WEE1: variants seen among roughly 807,000 people sequenced by gnomAD.
WEE1 encodes WEE1 G2 checkpoint kinase.
Under a neutral mutation model 68.8 loss-of-function variants are expected in WEE1, and 16 were observed. The ratio of observed to expected loss-of-function variants is 0.23; its 90% CI spans 0.16 to 0.35. The LOEUF is 0.35. Ranked by LOEUF, WEE1 falls within the 10% of genes least tolerant of loss-of-function variation. The probability of loss-of-function intolerance (pLI) is 1.00; values close to 1 mark genes in which losing one functional copy is unlikely to be tolerated. For synonymous variants in WEE1, 349 were observed against 318.7 expected (o/e 1.09, Z -1.01); for missense variants, 651 against 824.1 (o/e 0.79, Z 2.57).
chr11:9,576,430 A>G lies in WEE1; in HGVS notation c.847-57A>G. 6.3e-7 allele frequency: 1 copy of G among 1,582,426 alleles called. No individual in the cohort carries two copies. The highest frequency in any genetic ancestry group is 8.6e-7 in the Non-Finnish European group (1 of 1,163,998). On this transcript the variant is annotated intron_variant, in intron 3 of 10. Coordinates refer to ENST00000450114, the MANE Select transcript of WEE1 (RefSeq NM_003390.4). The surrounding 1 kb of genome is among the most constrained non-coding windows in gnomAD (Gnocchi z 4.3). The stretch of plus-strand genomic sequence containing the variant: ...CACACATAGCCCTATCACCATAGCA[A>G]GAAATAACTGTTTTCGTATATTTGT...
At chr11:9,585,070 A>C (rs1849684952) in intron 6 of WEE1, 188 bp from the exon 7 acceptor site, 4 of 576,948 alleles carry the variant, frequency 6.9e-6, no homozygotes, top group Non-Finnish European at 1.2e-5. Context: ...CTCAAAAAAA[A>C]ACAAAAAAAA....
At position 9,574,343 on chromosome 11, in the gene WEE1, C is replaced by G; in HGVS notation, c.410C>G (p.Ser137Cys). 7.9e-7 allele frequency: 1 copy of G among 1,263,658 alleles called. No homozygotes were observed. The highest frequency in any genetic ancestry group is 1.0e-6 in the Non-Finnish European group (1 of 1,004,264). 78.3% of individuals were successfully genotyped at this position (1,263,658 alleles called of 1,614,324 possible). A position where few individuals can be genotyped will look rare whatever the true frequency, so the allele number is the denominator to read the frequency against. ...SPAAPYFLGSSFSPVRCGGPG... is the reference protein window; with the variant it reads ...SPAAPYFLGSCFSPVRCGGPG... ...GCGGCCCCCTACTTCCTGGGTAGCTCTTTCTCGCCGGTGCGCTGCGGCGGC... is the reference window on the plus strand; with the variant it reads ...GCGGCCCCCTACTTCCTGGGTAGCTGTTTCTCGCCGGTGCGCTGCGGCGGC... The change falls in exon 1 of 11, where the codon TCT (serine) becomes TGT (cysteine). Residue 137 changes from serine to cysteine, a missense_variant. Ser to Cys is a moderately radical substitution (Grantham distance 112, BLOSUM62 -1). This residue lies in a region of WEE1 where 395 missense variants were observed against 378.4 expected (regional missense o/e 1.04). Transcript: ENST00000450114. The surrounding 1 kb of genome is among the most constrained non-coding windows in gnomAD (Gnocchi z 4.9).
At chr11:9,588,384 A>G in intron 10 of WEE1, 65 bp from the exon 11 acceptor site, 2 of 1,137,366 alleles carry the variant, frequency 1.8e-6, no homozygotes, top group Non-Finnish European at 2.4e-6. Flanking sequence ...TCGACAATAT[A>G]GTTTGTGTTA....
intron 6 of WEE1, 60 bp downstream of exon 6, chr11:9,581,738 A>T: frequency 6.7e-7 from 1 of 1,485,894 alleles, no homozygotes; most frequent in African/African-American, 1.4e-5. Context: ...AAATTACTTC[A>T]TTATGACAAC....
Position 9,574,381 on chromosome 11 carries a change from T to G in WEE1, c.448T>G (p.Ser150Ala). 1 of 1,218,906 alleles carries G rather than the reference T, an allele frequency of 8.2e-7. No homozygotes were observed. The highest frequency in any genetic ancestry group is 1.0e-6 in the Non-Finnish European group (1 of 982,742). The allele number at this position is 1,218,906 out of a possible 1,614,324, so 75.5% of individuals were successfully genotyped here. ...PVRCGGPGDA[S>A]PRGCGARRAG... ...GCGCTGCGGCGGCCCAGGAGATGCG[T>G]CGCCGCGGGGTTGCGGGGCGCGCCG... Residue 150 changes from serine to alanine, a missense_variant, in exon 1 of 11, where the codon TCG becomes GCG. By Grantham distance (99) the Ser-to-Ala change is moderately conservative. Coordinates refer to ENST00000450114, the MANE Select transcript of WEE1 (RefSeq NM_003390.4). This position sits in a 1 kb window ranked among gnomAD's most constrained non-coding sequence, Gnocchi z 4.9.
At chr11:9,581,323 G>A (rs1162999206) in intron 5 of WEE1, 1 of 501,468 alleles carries the variant, frequency 2.0e-6, no homozygotes. Context: ...TTGAGAGAGA[G>A]ACTTTACATT....
intron 5 of WEE1, chr11:9,581,285 G>A: frequency 2.5e-6 from 1 of 393,082 alleles, no homozygotes; most frequent in Non-Finnish European, 4.5e-6. Flanking sequence ...CTCTGAGAAA[G>A]AAACAGGTGG....
At chr11:9,582,019 A>G (rs1349261310) in intron 6 of WEE1, among the ~76,000 whole-genome samples, 1 of 152,228 alleles carries the variant, frequency 6.6e-6, no homozygotes, top group Non-Finnish European at 1.5e-5. Flanking sequence ...ATGTGCCACC[A>G]TGCCCAGATA....
chr11:9,586,879 C>G, intron 10 of WEE1, 23 bp downstream of exon 10: 1 of 1,580,738 alleles, frequency 6.3e-7, no homozygotes, highest in South Asian at 1.2e-5. Flanking sequence ...TTTATGTTTT[C>G]TTTTTGCTTT....
rs199979048 is a variant in WEE1 at position 9,576,113 on chromosome 11, G to C, written c.782+20G>C. ...GAATGAGTAAGTCGTTTATTTAACA[G>C]TTTGGTTCTCCAAATAACCTAAGAT... On this transcript the variant is annotated intron_variant, in intron 2 of 10. Transcript: ENST00000450114. This position sits in a 1 kb window ranked among gnomAD's most constrained non-coding sequence, Gnocchi z 4.3. The C allele has an allele frequency of 2.5e-6, 4 of 1,613,016 alleles. No homozygotes were observed. Among genetic ancestry groups the C allele is most frequent in the African/African-American group, 2.7e-5 (2 of 74,968 alleles).
rs1351275125 is a variant in WEE1, at chr11:9,589,884, A to G, written c.*1282A>G. On this transcript the variant is annotated 3_prime_UTR_variant, in exon 11 of 11. Transcript: ENST00000450114. The stretch of plus-strand genomic sequence containing the variant: ...GGGCACATTTTGATTGAATATGAAT[A>G]TCACATTGCATGTTATGCATGTGAC... 4.8e-6 allele frequency: 1 copy of G among 208,112 alleles called. No individual in the cohort carries two copies. Among genetic ancestry groups the G allele is most frequent in the Non-Finnish European group, 8.4e-6 (1 of 119,248 alleles). The allele number at this position is 208,112 out of a possible 1,614,324, so 12.9% of individuals were successfully genotyped here.
At position 9,581,279 on chromosome 11, in the gene WEE1, GAGAA is replaced by G. The variant is rs1410591442; in HGVS notation, c.1142-247_1142-244del. 1.0e-5 allele frequency: 4 copies of G among 384,000 alleles called. No homozygotes were observed. In the South Asian group the frequency reaches 1.5e-4, roughly 14 times the overall value. 23.8% of individuals were successfully genotyped at this position (384,000 alleles called of 1,614,324 possible). A position where few individuals can be genotyped will look rare whatever the true frequency, so the allele number is the denominator to read the frequency against. On this transcript the variant is annotated intron_variant, in intron 5 of 10. Coordinates refer to ENST00000450114, the MANE Select transcript of WEE1 (RefSeq NM_003390.4). The stretch of plus-strand genomic sequence containing the variant: ...CAACCTGATAATACTGGTTTACTCT[GAGAA>G]AGAAACAGGTGGATTGCTGAGGTGT...
chr11:9,577,474 A>G (rs1237692163), intron 5 of WEE1: 12 of 528,134 alleles, frequency 2.3e-5, no homozygotes, highest in Non-Finnish European at 3.3e-5. Context: ...TTCGCATACT[A>G]TTTATGTGCT....
At chr11:9,575,184 C>T (rs1565086922) in intron 1 of WEE1, 2 of 985,390 alleles carry the variant, frequency 2.0e-6, no homozygotes, top group Non-Finnish European at 2.4e-6. Context: ...GGCCGGCCTC[C>T]GTGTGATTAG....
intron 5 of WEE1, chr11:9,581,330 C>G: frequency 2.0e-6 from 1 of 508,520 alleles, no homozygotes; most frequent in Non-Finnish European, 3.4e-6. Flanking sequence ...AGAGACTTTA[C>G]ATTTTATTTT....
rs768786052 is a variant in WEE1, at chr11:9,586,860, A to G, written c.1787+4A>G. On this transcript the variant is annotated splice_donor_region_variant and intron_variant, in intron 10 of 10. Coordinates refer to ENST00000450114, the MANE Select transcript of WEE1 (RefSeq NM_003390.4). ...TCAAAAATTCACTTTTACAAAAGTA[A>G]GTGAGGGTTTTATGTTTTCTTTTTG... The G allele has an allele frequency of 6.2e-7, 1 of 1,602,108 alleles. No individual in the cohort carries two copies. The highest frequency in any genetic ancestry group is 8.5e-7 in the Non-Finnish European group (1 of 1,176,748).
chr11:9,577,562 G>T, intron 5 of WEE1: 1 of 355,546 alleles, frequency 2.8e-6, no homozygotes, highest in Non-Finnish European at 5.3e-6. Flanking sequence ...CTAGCGTAGT[G>T]TGTGAAGCAT....
chr11:9,574,243 G>A lies in WEE1; in HGVS notation c.310G>A (p.Glu104Lys). ...LLPGACPGAD[E>K]AGGGAEGDSW... Reference sequence around the variant, plus strand: ...GCCCGGCGCCTGCCCGGGCGCGGACGAGGCGGGCGGTGGGGCGGAGGGCGA... The same window carrying A: ...GCCCGGCGCCTGCCCGGGCGCGGACAAGGCGGGCGGTGGGGCGGAGGGCGA... Residue 104 changes from glutamate to lysine, a missense_variant, in exon 1 of 11, where the codon GAG becomes AAG. By Grantham distance (56) the Glu-to-Lys change is moderately conservative. Coordinates refer to ENST00000450114, the MANE Select transcript of WEE1 (RefSeq NM_003390.4). This position sits in a 1 kb window ranked among gnomAD's most constrained non-coding sequence, Gnocchi z 4.9. The A allele has an allele frequency of 2.5e-6, 3 of 1,199,172 alleles. No individual in the cohort carries two copies. Among genetic ancestry groups the A allele is most frequent in the Non-Finnish European group, 3.1e-6 (3 of 965,600 alleles). 74.3% of individuals were successfully genotyped at this position (1,199,172 alleles called of 1,614,324 possible).
chr11:9,577,724 G>A (rs982857964), intron 5 of WEE1: 9 of 327,496 alleles, frequency 2.7e-5, no homozygotes, highest in Middle Eastern at 3.9e-4. Context: ...TCTGTAGTCC[G>A]GCCCTACTCC....
Sources: allele counts gnomAD v4.1 joint callset (sites outside exome capture counted in the v4.1 genomes callset), GRCh38; gene constraint gnomAD v4.1.1; regional missense constraint gnomAD v4.1.1; non-coding constraint Gnocchi (gnomAD v3.1); transcripts MANE v1.5; gene names NCBI Gene and HGNC (gene_info 2026-07-23, HGNC 2026-07-21).